The following SLFN12 variants were observed in gnomAD, a reference collection of about 807,000 sequenced individuals.
SLFN12 encodes the protein schlafen family member 12.
A neutral mutation model predicts 29.1 loss-of-function variants in SLFN12; 25 were observed. That is an observed-to-expected ratio of 0.86 (90% CI 0.63 to 1.20). SLFN12 has a LOEUF of 1.20. SLFN12 is among the 50% of genes most tolerant of loss of function. The probability of loss-of-function intolerance (pLI) is 0.00; values close to 1 mark genes in which losing one functional copy is unlikely to be tolerated. For synonymous variants in SLFN12, 257 were observed against 238.7 expected (o/e 1.08, Z -0.71); for missense variants, 660 against 666.2 (o/e 0.99, Z 0.10).
intron 3 of SLFN12, among the ~76,000 whole-genome samples, chr17:35,417,931 C>A (rs1911412814): frequency 6.6e-6 from 1 of 151,810 alleles, no homozygotes; most frequent in African/African-American, 2.4e-5. Context: ...AATGTGTACA[C>A]AGAAATTTAT....
At chr17:35,428,311 C>G (rs973857984) in intron 1 of SLFN12, among the ~76,000 whole-genome samples, 1 of 152,042 alleles carries the variant, frequency 6.6e-6, no homozygotes, top group Non-Finnish European at 1.5e-5. Flanking sequence ...TGCCTTGAAC[C>G]TTTTGGGGGG....
intron 1 of SLFN12, among the ~76,000 whole-genome samples, chr17:35,426,789 T>C (rs9896545): frequency 0.14 from 21,901 of 152,144 alleles, 2,323 homozygotes; most frequent in African/African-American, 0.28. Context: ...CTTAAGGTCT[T>C]CTCAGGTCTT....
intron 1 of SLFN12, among the ~76,000 whole-genome samples, chr17:35,431,688 T>C (rs922642511): frequency 5.9e-5 from 9 of 152,128 alleles, no homozygotes; most frequent in African/African-American, 9.7e-5. Flanking sequence ...TCCTTTTGTC[T>C]CTGGATGAAG....
chr17:35,411,072 A>T lies in SLFN12; in HGVS notation c.*266T>A. 8.4e-6 allele frequency: 2 copies of T among 237,672 alleles called. No homozygotes were observed. The highest frequency in any genetic ancestry group is 1.6e-5 in the Non-Finnish European group (2 of 123,792). 14.7% of individuals were successfully genotyped at this position (237,672 alleles called of 1,614,324 possible). A position where few individuals can be genotyped will look rare whatever the true frequency, so the allele number is the denominator to read the frequency against. On this transcript the variant is annotated 3_prime_UTR_variant, in exon 4 of 4. Coordinates refer to ENST00000304905, the MANE Select transcript of SLFN12 (RefSeq NM_018042.5). ...AAAAGTGTTGCAATTTTCCCAGTTC[A>T]AGCATGGAAGAAAATTTATTCAGGA...
intron 3 of SLFN12, among the ~76,000 whole-genome samples, chr17:35,416,573 G>A (rs11080346): frequency 0.19 from 29,603 of 151,922 alleles, 4,366 homozygotes; most frequent in African/African-American, 0.41. Flanking sequence ...ACTACACAAA[G>A]TAAATAAATT....
Position 35,422,795 on chromosome 17 carries a change from A to G in SLFN12, c.234T>C (p.Asp78=). ...YSYTKDGIGL[D]LENSFSNILL... Reference sequence around the variant, plus strand: ...GAATGTTACTAAAAGAATTTTCCAAATCTAGTCCTATTCCATCTTTTGTAT... The same window carrying G: ...GAATGTTACTAAAAGAATTTTCCAAGTCTAGTCCTATTCCATCTTTTGTAT... The change falls in exon 2 of 4, where the codon GAT becomes GAC. Residue 78 remains aspartate, a synonymous_variant. Coordinates refer to ENST00000304905, the MANE Select transcript of SLFN12 (RefSeq NM_018042.5). 1 of 1,613,774 alleles carries G rather than the reference A, an allele frequency of 6.2e-7. No individual in the cohort carries two copies. Among genetic ancestry groups the G allele is most frequent in the Non-Finnish European group, 8.5e-7 (1 of 1,179,800 alleles).
rs1910971979 is a variant in SLFN12, at chr17:35,411,085, A to T, written c.*253T>A. The T allele has an allele frequency of 7.8e-6, 2 of 256,316 alleles. No individual in the cohort carries two copies. Among genetic ancestry groups the T allele is most frequent in the South Asian group, 2.5e-4 (2 of 7,926 alleles). The allele number at this position is 256,316 out of a possible 1,614,324, so 15.9% of individuals were successfully genotyped here. ...TTTTCCCAGTTCAAGCATGGAAGAA[A>T]ATTTATTCAGGAACTACAGACAGAG... On this transcript the variant is annotated 3_prime_UTR_variant, in exon 4 of 4. Transcript: ENST00000304905.
chr17:35,428,418 G>A (rs534738974), intron 1 of SLFN12, among the ~76,000 whole-genome samples: 15 of 152,182 alleles, frequency 9.9e-5, no homozygotes, highest in African/African-American at 3.6e-4. Flanking sequence ...TGGTCTAAAA[G>A]CTGTTAGAAA....
chr17:35,423,014 A>C lies in SLFN12; in HGVS notation c.15T>G (p.Val5=). The C allele has an allele frequency of 6.2e-7, 1 of 1,610,298 alleles. No homozygotes were observed. The highest frequency in any genetic ancestry group is 8.5e-7 in the Non-Finnish European group (1 of 1,178,080). The change falls in exon 2 of 4, where the codon GTT becomes GTG. Residue 5 remains valine (V), a synonymous_variant. Coordinates refer to ENST00000304905, the MANE Select transcript of SLFN12 (RefSeq NM_018042.5). MNIS[V]DLETNYAELV... is the part of the protein sequence containing the mutation. ...ACTCGGCATAATTCGTTTCCAAATC[A>C]ACACTGATGTTCATTTTCCCAGCAG... is the stretch of plus-strand genomic sequence containing the variant.
chr17:35,422,990 C>T lies in SLFN12; in HGVS notation c.39G>A (p.Glu13=). 2.5e-6 allele frequency: 4 copies of T among 1,613,194 alleles called. No homozygotes were observed. Among genetic ancestry groups the T allele is most frequent in the Non-Finnish European group, 3.4e-6 (4 of 1,179,650 alleles). ...ISVDLETNYA[E]LVLDVGRVTL... Reference sequence around the variant, plus strand: ...TGACTCTTCCCACATCTAGAACCAACTCGGCATAATTCGTTTCCAAATCAA... The same window carrying T: ...TGACTCTTCCCACATCTAGAACCAATTCGGCATAATTCGTTTCCAAATCAA... Residue 13 remains glutamate (E), a synonymous_variant, in exon 2 of 4, where the codon GAG becomes GAA. Coordinates refer to ENST00000304905, the MANE Select transcript of SLFN12 (RefSeq NM_018042.5).
At position 35,422,212 on chromosome 17, in the gene SLFN12, C is replaced by T. The variant is rs1283689192; in HGVS notation, c.817G>A (p.Val273Met). The change falls in exon 2 of 4, where the codon GTG becomes ATG. Residue 273 changes from valine (V) to methionine (M), a missense_variant. Coordinates refer to ENST00000304905, the MANE Select transcript of SLFN12 (RefSeq NM_018042.5). The stretch of plus-strand genomic sequence containing the variant: ...TTCTTCTCCATACAGAAGTGATGCA[C>T]AGGCATCTTCCTAATGGACTTTTCG... ...EIEKSIRKMP[V>M]HHFCMEKKKI... 3.7e-6 allele frequency: 6 copies of T among 1,614,034 alleles called. No individual in the cohort carries two copies. Among genetic ancestry groups the T allele is most frequent in the Non-Finnish European group, 5.1e-6 (6 of 1,180,028 alleles).
chr17:35,411,825 A>G lies in SLFN12; in HGVS notation c.1250T>C (p.Val417Ala). 2.5e-6 allele frequency: 4 copies of G among 1,614,046 alleles called. 1 individual carries two copies. The highest frequency in any genetic ancestry group is 3.4e-6 in the Non-Finnish European group (4 of 1,180,002). Residue 417 changes from valine (V) to alanine (A), a missense_variant, in exon 4 of 4, where the codon GTC (valine) becomes GCC (alanine). Transcript: ENST00000304905. ...AGAGAAGATCAGTGAGCCCTTTCTG[A>G]CAGAGTCCATTTCTTCACATATTAA... ...KQLICEEMDS[V>A]RKGSLIFSRS... is the part of the protein sequence containing the mutation.
chr17:35,425,640 T>G (rs185492393), intron 1 of SLFN12, among the ~76,000 whole-genome samples: 162 of 152,122 alleles, frequency 1.1e-3, no homozygotes, highest in African/African-American at 3.7e-3. Context: ...ATTATCTATA[T>G]GTACCACTTT....
At chr17:35,428,099 G>T (rs142689531) in intron 1 of SLFN12, among the ~76,000 whole-genome samples, 1 of 152,052 alleles carries the variant, frequency 6.6e-6, no homozygotes, top group Non-Finnish European at 1.5e-5. Context: ...TGTGCCTTAG[G>T]TACATAATTA....
chr17:35,419,974 G>A (rs957513506), intron 3 of SLFN12, among the ~76,000 whole-genome samples: 2 of 152,242 alleles, frequency 1.3e-5, no homozygotes, highest in Admixed American at 1.3e-4. Context: ...GCCTGAAGGT[G>A]GGCCTCAATC....
intron 3 of SLFN12, among the ~76,000 whole-genome samples, chr17:35,413,368 A>G (rs907192943): frequency 5.3e-5 from 8 of 152,234 alleles, no homozygotes; most frequent in South Asian, 2.1e-4. Flanking sequence ...ACAAAAAAAA[A>G]GAAAGTTACA....
At chr17:35,419,539 C>T (rs1197935054) in intron 3 of SLFN12, among the ~76,000 whole-genome samples, 1 of 151,854 alleles carries the variant, frequency 6.6e-6, no homozygotes, top group Non-Finnish European at 1.5e-5. Flanking sequence ...CAATCAATAA[C>T]CAGGGAAATG....
Position 35,422,526 on chromosome 17 carries a change from C to A in SLFN12, c.503G>T (p.Cys168Phe), listed in dbSNP as rs1398875131. The A allele has an allele frequency of 1.9e-6, 3 of 1,613,904 alleles. No individual in the cohort carries two copies. Among genetic ancestry groups the A allele is most frequent in the South Asian group, 1.1e-5 (1 of 91,072 alleles). ...LRPELLAKRP[C>F]VDIQEENNMK... ...GTTATTTTCTTCTTGTATATCAACA[C>A]AGGGCCTCTTTGCCAGCAATTCTGG... Residue 168 changes from cysteine (C) to phenylalanine (F), a missense_variant, in exon 2 of 4, where the codon TGT (cysteine) becomes TTT (phenylalanine). Physicochemically the swap from Cys to Phe is radical, Grantham distance 205. Coordinates refer to ENST00000304905, the MANE Select transcript of SLFN12 (RefSeq NM_018042.5).
At chr17:35,430,124 C>T (rs1017321269) in intron 1 of SLFN12, among the ~76,000 whole-genome samples, 3 of 152,070 alleles carry the variant, frequency 2.0e-5, no homozygotes, top group Admixed American at 1.3e-4. Context: ...TCCACCCGAC[C>T]TATAGCTTCC....
Sources: gnomAD v4.1 joint callset for allele counts (sites outside exome capture counted in the v4.1 genomes callset) on GRCh38, gnomAD v4.1.1 for gene constraint, MANE v1.5 for transcripts, NCBI Gene and HGNC (gene_info 2026-07-23, HGNC 2026-07-21) for gene names.